The following TAF3 variants were observed in gnomAD, a reference collection of about 807,000 sequenced individuals.
TAF3 encodes the protein TATA-box binding protein associated factor 3.
Under a neutral mutation model 80.6 loss-of-function variants are expected in TAF3, and 7 were observed. The observed-to-expected ratio is 0.09, with a 90% CI of 0.05 to 0.16. The LOEUF (loss-of-function observed/expected upper bound fraction) is 0.16. Ranked by LOEUF, TAF3 falls within the 10% of genes least tolerant of loss-of-function variation. TAF3 has a pLI of 1.00. For synonymous variants in TAF3, 444 were observed against 446.1 expected (o/e 1.00, Z 0.06); for missense variants, 921 against 1,140.2 (o/e 0.81, Z 2.77).
At chr10:7,831,784 A>G (rs1353273387) in intron 2 of TAF3, among the ~76,000 whole-genome samples, 1 of 152,128 alleles carries the variant, frequency 6.6e-6, no homozygotes, top group Non-Finnish European at 1.5e-5. Flanking sequence ...GGTATATCAA[A>G]ATGTTCTAGA....
At chr10:7,944,446 A>C (rs1838005736) in intron 2 of TAF3, among the ~76,000 whole-genome samples, 1 of 152,160 alleles carries the variant, frequency 6.6e-6, no homozygotes, top group Admixed American at 6.5e-5. Context: ...TTTTATTAAG[A>C]GAAAGAAATA....
At chr10:7,983,774 G>T (rs1424400620) in intron 4 of TAF3, among the ~76,000 whole-genome samples, 5 of 152,108 alleles carry the variant, frequency 3.3e-5, no homozygotes, top group Non-Finnish European at 7.4e-5. Flanking sequence ...GGGAACTCAA[G>T]GCTACAGTGA....
At chr10:7,999,662 G>C (rs748730304) in intron 4 of TAF3, among the ~76,000 whole-genome samples, 1 of 152,140 alleles carries the variant, frequency 6.6e-6, no homozygotes, top group Non-Finnish European at 1.5e-5. Context: ...TCACCATGTT[G>C]GCCAGGCTGG....
intron 2 of TAF3, among the ~76,000 whole-genome samples, chr10:7,911,655 C>T (rs978010581): frequency 3.3e-5 from 5 of 152,222 alleles, no homozygotes; most frequent in Admixed American, 3.3e-4. Context: ...TTCATTCATC[C>T]TGAACGTACG....
chr10:7,876,288 T>G (rs949022890), intron 2 of TAF3, among the ~76,000 whole-genome samples: 1 of 152,216 alleles, frequency 6.6e-6, no homozygotes, highest in African/African-American at 2.4e-5. Flanking sequence ...TTAACAAGAT[T>G]AATTATTACC....
At chr10:7,842,151 G>GTTTTTTTTTTT (rs71505465) in intron 2 of TAF3, among the ~76,000 whole-genome samples, 7 of 98,742 alleles carry the variant, frequency 7.1e-5, no homozygotes, top group Non-Finnish European at 8.6e-5. Flanking sequence ...AATTAATATT[G>GTTTTTTTTTTT]TTTTTTTTTT....
intron 2 of TAF3, among the ~76,000 whole-genome samples, chr10:7,928,884 C>T (rs1837841158): frequency 2.0e-5 from 3 of 152,294 alleles, no homozygotes; most frequent in South Asian, 2.1e-4. Context: ...AAGTAGGTTA[C>T]ACTGTGTAGT....
intron 4 of TAF3, among the ~76,000 whole-genome samples, chr10:7,988,450 T>G (rs961961112): frequency 2.6e-5 from 4 of 151,416 alleles, no homozygotes; most frequent in Non-Finnish European, 5.9e-5. Context: ...ATTACACCTG[T>G]TATCCCAGCT....
chr10:7,976,809 C>T (rs544769577), intron 3 of TAF3, among the ~76,000 whole-genome samples: 8 of 152,212 alleles, frequency 5.3e-5, no homozygotes, highest in Non-Finnish European at 8.8e-5. Flanking sequence ...CATTTGATAA[C>T]GCAAACTTAA....
intron 4 of TAF3, among the ~76,000 whole-genome samples, chr10:7,985,751 C>T (rs11255471): frequency 0.3 from 44,887 of 150,290 alleles, 8,243 homozygotes; most frequent in Non-Finnish European, 0.4. Flanking sequence ...TGTGGTACTA[C>T]GCTAGACTCA....
intron 4 of TAF3, among the ~76,000 whole-genome samples, chr10:7,990,974 G>A (rs886928467): frequency 6.6e-6 from 1 of 152,152 alleles, no homozygotes; most frequent in African/African-American, 2.4e-5. Context: ...CAGAGGGCTG[G>A]GACCCAAAGC....
At chr10:7,898,413 G>A (rs1837526569) in intron 2 of TAF3, among the ~76,000 whole-genome samples, 2 of 152,082 alleles carry the variant, frequency 1.3e-5, no homozygotes, top group Admixed American at 1.3e-4. Context: ...GGGCATGATG[G>A]CGGGTGCCTG....
chr10:7,882,703 A>G (rs1177099241), intron 2 of TAF3, among the ~76,000 whole-genome samples: 1 of 152,188 alleles, frequency 6.6e-6, no homozygotes, highest in African/African-American at 2.4e-5. Context: ...TCCCTCAATG[A>G]GCAAGCTTTG....
At chr10:7,831,198 A>G (rs188777964) in intron 2 of TAF3, among the ~76,000 whole-genome samples, 44 of 152,320 alleles carry the variant, frequency 2.9e-4, no homozygotes, top group Admixed American at 6.5e-4. Context: ...TAGGGAAAGC[A>G]GGGTTAACGC....
At chr10:7,863,614 A>G (rs1837170920) in intron 2 of TAF3, among the ~76,000 whole-genome samples, 1 of 71,154 alleles carries the variant, frequency 1.4e-5, no homozygotes, top group Non-Finnish European at 2.7e-5. Flanking sequence ...TGTCTAAAAA[A>G]AAAAAAAAAA....
intron 4 of TAF3, among the ~76,000 whole-genome samples, chr10:7,988,388 G>C (rs1831798349): frequency 6.6e-6 from 1 of 151,614 alleles, no homozygotes; most frequent in African/African-American, 2.4e-5. Context: ...TCAGGAGTTC[G>C]AGACCAGCCT....
intron 2 of TAF3, among the ~76,000 whole-genome samples, chr10:7,840,328 A>G (rs1235594149): frequency 6.6e-6 from 1 of 151,752 alleles, no homozygotes; most frequent in East Asian, 1.9e-4. Context: ...AATTGTTTGT[A>G]TTTTTGGTAG....
intron 2 of TAF3, among the ~76,000 whole-genome samples, chr10:7,929,259 G>GA (rs1564365315): frequency 1.4e-5 from 2 of 147,510 alleles, no homozygotes; most frequent in African/African-American, 5.0e-5. Context: ...TTTTTTTGTT[G>GA]TTTTTTTTTT....
chr10:7,837,027 G>C (rs1035842892), intron 2 of TAF3, among the ~76,000 whole-genome samples: 1 of 152,154 alleles, frequency 6.6e-6, no homozygotes, highest in Admixed American at 6.5e-5. Flanking sequence ...AGGAATTTGA[G>C]ACCAGCCTGG....
Sources: allele counts gnomAD v4.1 joint callset (sites outside exome capture counted in the v4.1 genomes callset), GRCh38; gene constraint gnomAD v4.1.1; transcripts MANE v1.5; gene names NCBI Gene and HGNC (gene_info 2026-07-23, HGNC 2026-07-21).